GARRE1: variants seen among roughly 807,000 people sequenced by gnomAD.
GARRE1 encodes the protein granule associated Rac and RHOG effector protein 1.
Under a neutral mutation model 103.2 loss-of-function variants are expected in GARRE1, and 49 were observed. The ratio of observed to expected loss-of-function variants is 0.47; its 90% confidence interval spans 0.38 to 0.60. GARRE1 has a LOEUF of 0.60. Ranked by LOEUF, GARRE1 falls within the 20% of genes least tolerant of loss-of-function variation. GARRE1 has a pLI of 0.00. For synonymous variants in GARRE1, 505 were observed against 532.8 expected, an observed-to-expected ratio of 0.95 and a Z score of 0.72; for missense variants, 1,199 against 1,370.5, an observed-to-expected ratio of 0.87 and a Z score of 1.98.
At position 34,351,500 on chromosome 19, in the gene GARRE1, C is replaced by T. The variant is rs2074236714; in HGVS notation, c.2826-14C>T. 1 of 1,611,166 alleles carries T rather than the reference C, an allele frequency of 6.2e-7. No individual in the cohort carries two copies. Among genetic ancestry groups the T allele is most frequent in the Non-Finnish European group, 8.5e-7 (1 of 1,177,566 alleles). ...AGCCAAGCAATCACTGCCCTGAGCT[C>T]TTGGTTCTTGCAGGAAACACAGCAG... On this transcript the variant is annotated splice_polypyrimidine_tract_variant and intron_variant, in intron 12 of 13. Coordinates refer to ENST00000299505, the MANE Select transcript of GARRE1 (RefSeq NM_014686.5).
chr19:34,332,161 C>T (rs2074140959), intron 7 of GARRE1, among the ~76,000 whole-genome samples: 1 of 152,048 alleles, frequency 6.6e-6, no homozygotes, highest in East Asian at 1.9e-4. Context: ...CTCAGGTGGC[C>T]CAGCTCACAG....
At position 34,300,729 on chromosome 19, in the gene GARRE1, G is replaced by A. The variant is rs754003690; in HGVS notation, c.256G>A (p.Ala86Thr). The A allele has an allele frequency of 1.9e-6, 3 of 1,614,184 alleles. No homozygotes were observed. Among genetic ancestry groups the A allele is most frequent in the Admixed American group, 1.7e-5 (1 of 60,028 alleles). ...GCAGGGCATCTCCAAGTATCTGGAT[G>A]CCCTGAACGTCTTCTGCCGTGCCAG... ...IQQGISKYLDALNVFCRASTF... is the reference protein window; with the variant it reads ...IQQGISKYLDTLNVFCRASTF... The change falls in exon 2 of 14, where the codon GCC becomes ACC. Residue 86 changes from alanine to threonine, a missense_variant. By Grantham distance (58) the Ala-to-Thr change is moderately conservative. Coordinates refer to ENST00000299505, the MANE Select transcript of GARRE1 (RefSeq NM_014686.5).
intron 8 of GARRE1, among the ~76,000 whole-genome samples, chr19:34,335,062 G>A (rs923137708): frequency 2.0e-5 from 3 of 151,632 alleles, no homozygotes; most frequent in Admixed American, 6.6e-5. Flanking sequence ...AAAAAAAACC[G>A]TTATGATGTC....
Position 34,330,255 on chromosome 19 carries a change from C to T in GARRE1, c.1171C>T (p.Pro391Ser). ...TGGAATCACATCCAGGGATGATTTT[C>T]CTGTGACTGAAGTGCTGAACCAGGT... ...YNGITSRDDF[P>S]VTEVLNQVCP... is the part of the protein sequence containing the mutation. The change falls in exon 7 of 14, where the codon CCT (proline) becomes TCT (serine). Residue 391 changes from proline to serine, a missense_variant. Transcript: ENST00000299505. 2.5e-6 allele frequency: 4 copies of T among 1,614,162 alleles called. No homozygotes were observed. Among genetic ancestry groups the T allele is most frequent in the Non-Finnish European group, 3.4e-6 (4 of 1,180,002 alleles).
intron 1 of GARRE1, among the ~76,000 whole-genome samples, chr19:34,273,096 G>A (rs78256917): frequency 0.01 from 1,538 of 152,158 alleles, 34 homozygotes; most frequent in East Asian, 0.084. Flanking sequence ...CAGCTACTTG[G>A]GAGGCTGAGG....
rs144675566 is a variant in GARRE1 at position 34,286,367 on chromosome 19, A to G, written c.-795-13312A>G. Among the ~76,000 whole-genome samples, 170 of 149,818 alleles carry G rather than the reference A, an allele frequency of 1.1e-3. 1 individual carries two copies. Among genetic ancestry groups the G allele is most frequent in the Non-Finnish European group, 2.2e-3 (149 of 67,524 alleles). On this transcript the variant is annotated intron_variant, in intron 1 of 13. Coordinates refer to ENST00000299505, the MANE Select transcript of GARRE1 (RefSeq NM_014686.5). ...CCCGAGTAGCTGGGACTACAGGTGC[A>G]TCCCACCACACCTGGCTAATTTTTT...
intron 2 of GARRE1, 41 bp downstream of exon 2, chr19:34,301,009 C>T (rs759610631): frequency 4.5e-6 from 7 of 1,548,574 alleles, no homozygotes; most frequent in Non-Finnish European, 6.1e-6. Flanking sequence ...GGAAAATATA[C>T]TACAAAGGTA....
At chr19:34,267,587 C>T (rs1422773640) in intron 1 of GARRE1, among the ~76,000 whole-genome samples, 1 of 152,042 alleles carries the variant, frequency 6.6e-6, no homozygotes, top group Non-Finnish European at 1.5e-5. Flanking sequence ...TTCTAATGGA[C>T]ACAATTAGTT....
At chr19:34,351,196 CAA>C (rs776416030) in intron 12 of GARRE1, among the ~76,000 whole-genome samples, 61 of 52,124 alleles carry the variant, frequency 1.2e-3, no homozygotes, top group Non-Finnish European at 1.4e-3. Flanking sequence ...GACTCAGTCT[CAA>C]AAAAAAAAAA....
At chr19:34,275,168 GT>G (rs35938669) in intron 1 of GARRE1, among the ~76,000 whole-genome samples, 21,358 of 144,842 alleles carry the variant, frequency 0.15, 3,022 homozygotes, top group African/African-American at 0.38. Context: ...CATTTTCTGT[GT>G]TTTTTTTTTT....
chr19:34,348,276 T>A, intron 11 of GARRE1: 1 of 369,132 alleles, frequency 2.7e-6, no homozygotes. Context: ...TATACATTCA[T>A]GATTTTCAAA....
intron 8 of GARRE1, 90 bp from the exon 9 acceptor site, chr19:34,339,777 A>C: frequency 6.5e-7 from 1 of 1,535,980 alleles, no homozygotes; most frequent in Non-Finnish European, 8.9e-7. Context: ...CCAGAGGTAC[A>C]TAAAAGTTGT....
chr19:34,258,542 T>A (rs769308552), intron 1 of GARRE1, among the ~76,000 whole-genome samples: 27 of 152,064 alleles, frequency 1.8e-4, no homozygotes, highest in Admixed American at 1.3e-4. Flanking sequence ...CCCAGCACTT[T>A]GGGAGGCCGA....
chr19:34,259,471 T>A (rs1193216815), intron 1 of GARRE1, among the ~76,000 whole-genome samples: 1 of 152,150 alleles, frequency 6.6e-6, no homozygotes, highest in Non-Finnish European at 1.5e-5. Flanking sequence ...TACTGGAAGA[T>A]CAGAATACAG....
In GARRE1 at chr19:34,352,958, C is replaced by T. The variant is rs1490068199; in HGVS notation, c.*3C>T. The T allele has an allele frequency of 9.5e-6, 14 of 1,479,432 alleles. No homozygotes were observed. In the South Asian group the frequency reaches 1.8e-4, roughly 19 times the overall value. The allele number at this position is 1,479,432 out of a possible 1,614,324, so 91.6% of individuals were successfully genotyped here. A position where few individuals can be genotyped will look rare whatever the true frequency, so the allele number is the denominator to read the frequency against. ...CAGCCTATCTGCCCCAGTACTGACC[C>T]CAGGCCAGCCAGCCTGCCTGCCTGC... is the stretch of plus-strand genomic sequence containing the variant. On this transcript the variant is annotated 3_prime_UTR_variant, in exon 14 of 14. Coordinates refer to ENST00000299505, the MANE Select transcript of GARRE1 (RefSeq NM_014686.5).
chr19:34,321,628 A>G (rs1347799742), intron 3 of GARRE1, among the ~76,000 whole-genome samples: 1 of 151,708 alleles, frequency 6.6e-6, no homozygotes, highest in Non-Finnish European at 1.5e-5. Flanking sequence ...TAATTTTTGT[A>G]TTTTAGCCCC....
chr19:34,317,823 G>A (rs1426228899), intron 2 of GARRE1, among the ~76,000 whole-genome samples: 3 of 152,232 alleles, frequency 2.0e-5, no homozygotes. Context: ...CATTGGTCAG[G>A]TACAGGCTGT....
chr19:34,256,884 A>AT (rs573540102), intron 1 of GARRE1, among the ~76,000 whole-genome samples: 29 of 150,316 alleles, frequency 1.9e-4, no homozygotes, highest in African/African-American at 5.4e-4. Flanking sequence ...CATGTTTGAG[A>AT]TTTTTTTTTT....
chr19:34,281,650 C>G (rs2073854602), intron 1 of GARRE1, among the ~76,000 whole-genome samples: 1 of 152,170 alleles, frequency 6.6e-6, no homozygotes. Context: ...GTCTTGAACT[C>G]TAAAGCATTC....
Sources: allele counts gnomAD v4.1 joint callset (sites outside exome capture counted in the v4.1 genomes callset), GRCh38; gene constraint gnomAD v4.1.1; transcripts MANE v1.5; gene names NCBI Gene and HGNC (gene_info 2026-07-23, HGNC 2026-07-21).